Variants in GPC6 observed in about 807,000 individuals in gnomAD.
The protein encoded by GPC6 is glypican 6, also known as glypican-6.
GPC6 carries 14 observed loss-of-function variants against 55.2 expected under a neutral mutation model. The observed-to-expected ratio is 0.25, with a 90% confidence interval of 0.17 to 0.40. The LOEUF (loss-of-function observed/expected upper bound fraction) is 0.40, where lower values mean the gene tolerates loss of function less well. GPC6 is among the 10% of genes least tolerant of loss of function. The probability of loss-of-function intolerance (pLI) is 1.00; values close to 1 mark genes in which losing one functional copy is unlikely to be tolerated. For missense variants in GPC6, 641 were observed against 708.5 expected, an observed-to-expected ratio of 0.90 and a Z score of 1.08; for synonymous variants, 278 against 259.6, an observed-to-expected ratio of 1.07 and a Z score of -0.68.
chr13:93,407,151 T>C, intron 1 of GPC6, among the ~76,000 whole-genome samples: 1 of 152,092 alleles, frequency 6.6e-6, no homozygotes. Context: ...ATGTCCTTAT[T>C]TTTGGAGAAA....
At chr13:93,533,446 A>C (rs1881941669) in intron 1 of GPC6, among the ~76,000 whole-genome samples, 1 of 152,196 alleles carries the variant, frequency 6.6e-6, no homozygotes, top group Non-Finnish European at 1.5e-5. Context: ...AGACATGTCG[A>C]ATGATGAGAA....
At chr13:93,906,640 A>G (rs552982319) in intron 3 of GPC6, among the ~76,000 whole-genome samples, 28 of 152,318 alleles carry the variant, frequency 1.8e-4, no homozygotes, top group African/African-American at 6.7e-4. Flanking sequence ...TTCAAATGAA[A>G]TTCAGAGGTA....
intron 2 of GPC6, among the ~76,000 whole-genome samples, chr13:93,661,003 A>G (rs1035385155): frequency 1.3e-5 from 2 of 152,192 alleles, no homozygotes; most frequent in South Asian, 2.1e-4. Flanking sequence ...CAGTGAGCAG[A>G]CTATCATTGG....
At chr13:93,535,340 T>C (rs542442980) in intron 1 of GPC6, among the ~76,000 whole-genome samples, 9 of 152,274 alleles carry the variant, frequency 5.9e-5, no homozygotes, top group Non-Finnish European at 1.0e-4. Flanking sequence ...AGAATAGGAA[T>C]TCTTGCTGTT....
chr13:93,257,441 G>A (rs1380009043), intron 1 of GPC6, among the ~76,000 whole-genome samples: 2 of 152,136 alleles, frequency 1.3e-5, no homozygotes, highest in African/African-American at 4.8e-5. Context: ...TTTCCATATA[G>A]TTGAAGGTCA....
chr13:94,162,294 A>G (rs904937190), intron 4 of GPC6, among the ~76,000 whole-genome samples: 2 of 152,174 alleles, frequency 1.3e-5, no homozygotes, highest in African/African-American at 2.4e-5. Flanking sequence ...GAGACTGGCC[A>G]CCTTGGGGTT....
At chr13:93,749,835 C>A (rs535250068) in intron 2 of GPC6, among the ~76,000 whole-genome samples, 1 of 152,156 alleles carries the variant, frequency 6.6e-6, no homozygotes, top group East Asian at 1.9e-4. Context: ...AAAGATTATC[C>A]TTTTTCTAAC....
chr13:94,361,290 ACC>A (rs1879047468), intron 6 of GPC6, among the ~76,000 whole-genome samples: 1 of 152,184 alleles, frequency 6.6e-6, no homozygotes, highest in Admixed American at 6.6e-5. Context: ...ATGGGATACT[ACC>A]TGCATAGTTG....
intron 1 of GPC6, among the ~76,000 whole-genome samples, chr13:93,502,696 T>G (rs1490896898): frequency 6.6e-6 from 1 of 152,136 alleles, no homozygotes; most frequent in Admixed American, 6.5e-5. Context: ...TTTTTCTGTA[T>G]TATTATCATG....
chr13:93,295,160 G>A (rs959524311), intron 1 of GPC6, among the ~76,000 whole-genome samples: 3 of 149,022 alleles, frequency 2.0e-5, no homozygotes, highest in Admixed American at 1.3e-4. Flanking sequence ...GCATTGTGGC[G>A]GTGTGCCTGT....
At chr13:93,612,716 G>T (rs1341120754) in intron 2 of GPC6, among the ~76,000 whole-genome samples, 1 of 152,052 alleles carries the variant, frequency 6.6e-6, no homozygotes, top group East Asian at 1.9e-4. Context: ...AAGAAACATG[G>T]AAAGAAAAAA....
intron 1 of GPC6, among the ~76,000 whole-genome samples, chr13:93,538,742 T>C (rs1344316739): frequency 6.6e-6 from 1 of 152,182 alleles, no homozygotes; most frequent in African/African-American, 2.4e-5. Flanking sequence ...CTCTGGGTGA[T>C]ATTCACAAAA....
At chr13:93,407,169 T>C (rs1028830852) in intron 1 of GPC6, among the ~76,000 whole-genome samples, 1 of 152,098 alleles carries the variant, frequency 6.6e-6, no homozygotes, top group African/African-American at 2.4e-5. Flanking sequence ...AAACATGATA[T>C]GTTTAGAAGG....
chr13:93,488,425 A>C (rs766315309), intron 1 of GPC6, among the ~76,000 whole-genome samples: 39 of 152,294 alleles, frequency 2.6e-4, no homozygotes, highest in Non-Finnish European at 4.6e-4. Context: ...TGCTGCAATA[A>C]ACATACGTGT....
chr13:94,295,544 T>C (rs551751407), intron 5 of GPC6, among the ~76,000 whole-genome samples: 1 of 152,268 alleles, frequency 6.6e-6, no homozygotes, highest in African/African-American at 2.4e-5. Flanking sequence ...GATGGATCTC[T>C]AAATAAATGT....
intron 3 of GPC6, among the ~76,000 whole-genome samples, chr13:93,831,905 A>G (rs1029752085): frequency 2.1e-4 from 31 of 149,996 alleles, no homozygotes; most frequent in African/African-American, 7.6e-4. Flanking sequence ...CCTGGCTAAC[A>G]TGGTGAAACC....
chr13:93,241,252 T>C (rs1446835850), intron 1 of GPC6, among the ~76,000 whole-genome samples: 1 of 152,210 alleles, frequency 6.6e-6, no homozygotes. Context: ...TTACTTTTTC[T>C]TCTTCTCCTT....
intron 2 of GPC6, among the ~76,000 whole-genome samples, chr13:93,653,931 C>T (rs990936521): frequency 2.6e-5 from 4 of 152,124 alleles, no homozygotes; most frequent in East Asian, 1.9e-4. Flanking sequence ...CACTTTTATC[C>T]GCCTAGAGAA....
intron 3 of GPC6, among the ~76,000 whole-genome samples, chr13:93,868,684 C>G (rs543101451): frequency 6.6e-6 from 1 of 151,886 alleles, no homozygotes; most frequent in East Asian, 2.0e-4. Context: ...TTTGTCTCAC[C>G]AAGTTGTTGC....
Sources: gnomAD v4.1 joint callset for allele counts (sites outside exome capture counted in the v4.1 genomes callset) on GRCh38, gnomAD v4.1.1 for gene constraint, MANE v1.5 for transcripts, NCBI Gene and HGNC (gene_info 2026-07-23, HGNC 2026-07-21) for gene names.